The following ANO10 variants were observed in gnomAD, a reference collection of about 807,000 sequenced individuals.
ANO10 encodes anoctamin-10.
ANO10 carries 77 observed loss-of-function variants against 74.7 expected under a neutral mutation model. The ratio of observed to expected loss-of-function variants is 1.03; its 90% CI spans 0.86 to 1.25. ANO10 has a LOEUF of 1.25. Ranked by LOEUF, ANO10 falls within the 50% of genes most tolerant of loss-of-function variation. The pLI, the probability that ANO10 is intolerant of heterozygous loss-of-function variation, is 0.00. For missense variants in ANO10, 721 were observed against 778.1 expected, an observed-to-expected ratio of 0.93 and a Z score of 0.87; for synonymous variants, 279 against 284.9, an observed-to-expected ratio of 0.98 and a Z score of 0.21.
At chr3:43,629,404 G>T (rs1343745288) in intron 1 of ANO10, among the ~76,000 whole-genome samples, 1 of 152,154 alleles carries the variant, frequency 6.6e-6, no homozygotes, top group Non-Finnish European at 1.5e-5. Flanking sequence ...CTTAGTAATT[G>T]TGAGTTTTGT....
chr3:43,384,043 C>T (rs2125702259), intron 12 of ANO10, among the ~76,000 whole-genome samples: 1 of 152,258 alleles, frequency 6.6e-6, no homozygotes, highest in South Asian at 2.1e-4. Flanking sequence ...CAAAAAGTTC[C>T]TAGAACTGGT....
At chr3:43,415,205 G>A (rs1046243765) in intron 12 of ANO10, among the ~76,000 whole-genome samples, 3 of 151,946 alleles carry the variant, frequency 2.0e-5, no homozygotes, top group African/African-American at 7.3e-5. Context: ...TTGAACTCCT[G>A]ACCTCAAGTG....
intron 12 of ANO10, among the ~76,000 whole-genome samples, chr3:43,368,868 TA>T (rs2091504368): frequency 6.6e-6 from 1 of 152,134 alleles, no homozygotes. Flanking sequence ...ACTAAAACAA[TA>T]ATGAAGACAG....
chr3:43,472,604 C>G (rs2075905772), intron 11 of ANO10: 2 of 151,162 alleles, frequency 1.3e-5, no homozygotes, highest in East Asian at 1.9e-4. Flanking sequence ...AAAAAAAAGA[C>G]AGAGAGAGAG....
rs532264836 is a variant in ANO10 at position 43,516,239 on chromosome 3, C to T, written c.1797+33481G>A. On this transcript the variant is annotated intron_variant, in intron 11 of 12. Transcript: ENST00000292246. ...TGGGAGCATATTAATTAATCATTAA[C>T]GCTAAACAGAGAGACCAGGGAAAAC... 8.5e-5 allele frequency among the ~76,000 whole-genome samples: 13 copies of T among 152,174 alleles called. No homozygotes were observed. In the East Asian group the frequency reaches 1.4e-3, roughly 16 times the overall value.
chr3:43,525,371 G>A (rs774234833), intron 11 of ANO10, among the ~76,000 whole-genome samples: 4 of 152,020 alleles, frequency 2.6e-5, no homozygotes, highest in Non-Finnish European at 2.9e-5. Flanking sequence ...TTCAGACTCC[G>A]GACAAGGTCA....
intron 11 of ANO10, among the ~76,000 whole-genome samples, chr3:43,452,942 A>G (rs923314865): frequency 6.6e-6 from 1 of 152,322 alleles, no homozygotes; most frequent in South Asian, 2.1e-4. Flanking sequence ...AATGATGTAA[A>G]TATCTTTCCA....
intron 8 of ANO10, among the ~76,000 whole-genome samples, chr3:43,563,217 A>G (rs2080134310): frequency 6.6e-6 from 1 of 152,126 alleles, no homozygotes; most frequent in African/African-American, 2.4e-5. Context: ...ATGAAAAAAT[A>G]CTCAACACCA....
chr3:43,478,081 G>A (rs998238087), intron 11 of ANO10, among the ~76,000 whole-genome samples: 1 of 152,120 alleles, frequency 6.6e-6, no homozygotes. Flanking sequence ...AGCCCTATGA[G>A]GCAGAAACTA....
intron 12 of ANO10, among the ~76,000 whole-genome samples, chr3:43,392,150 T>A (rs2092288527): frequency 6.6e-6 from 1 of 150,966 alleles, no homozygotes; most frequent in Admixed American, 6.6e-5. Context: ...CTCAACTGAA[T>A]CTTTCTCACT....
intron 1 of ANO10, among the ~76,000 whole-genome samples, chr3:43,649,686 A>G (rs902790266): frequency 4.6e-5 from 7 of 152,216 alleles, no homozygotes; most frequent in Admixed American, 1.3e-4. Flanking sequence ...CTCAAATCAT[A>G]TAGCTAATAG....
intron 7 of ANO10, among the ~76,000 whole-genome samples, chr3:43,567,545 A>G (rs1008348724): frequency 6.6e-6 from 1 of 152,152 alleles, no homozygotes; most frequent in African/African-American, 2.4e-5. Context: ...TCTTAAAGAA[A>G]AGAATTTTCA....
chr3:43,436,339 T>C (rs77402329), intron 11 of ANO10, among the ~76,000 whole-genome samples: 6,757 of 152,078 alleles, frequency 0.044, 399 homozygotes, highest in African/African-American at 0.14. Flanking sequence ...ACACTCAAAA[T>C]GAACAGAGGG....
chr3:43,548,562 A>T (rs2079305049), intron 11 of ANO10, among the ~76,000 whole-genome samples: 1 of 152,226 alleles, frequency 6.6e-6, no homozygotes, highest in Non-Finnish European at 1.5e-5. Flanking sequence ...AGAGCAAAGC[A>T]GAATATATTT....
At chr3:43,566,583 C>A (rs2080362277) in intron 7 of ANO10, among the ~76,000 whole-genome samples, 2 of 152,230 alleles carry the variant, frequency 1.3e-5, no homozygotes, top group South Asian at 4.1e-4. Context: ...TACACTGACA[C>A]CTCACACGGC....
intron 12 of ANO10, among the ~76,000 whole-genome samples, chr3:43,378,713 TG>T (rs891913034): frequency 1.3e-5 from 2 of 152,120 alleles, no homozygotes; most frequent in African/African-American, 4.8e-5. Flanking sequence ...GGGCTACCCC[TG>T]GGTGATGACG....
chr3:43,533,588 C>T (rs535036596), intron 11 of ANO10, among the ~76,000 whole-genome samples: 4 of 152,114 alleles, frequency 2.6e-5, no homozygotes, highest in South Asian at 2.1e-4. Flanking sequence ...TAGCTTTGAC[C>T]CCAGTCCAGT....
rs2083677110 is a variant in ANO10 at position 43,642,182 on chromosome 3, G to T, written c.-11-36319C>A. 2.6e-5 allele frequency among the ~76,000 whole-genome samples: 4 copies of T among 152,194 alleles called. No individual in the cohort carries two copies. The South Asian group carries it at 8.3e-4, about 31-fold the overall frequency. ...ATACACTTTTAAAAGGTTATTTAAT[G>T]TGAATTTCTCAATGCAAATTTAACC... On this transcript the variant is annotated intron_variant, in intron 1 of 3. Transcript: ENST00000413397.
intron 4 of ANO10, among the ~76,000 whole-genome samples, chr3:43,594,173 TA>T (rs2081957850): frequency 1.3e-5 from 2 of 152,250 alleles, no homozygotes; most frequent in South Asian, 4.1e-4. Context: ...GAGACTTTAA[TA>T]CCCCACTGTC....
Sources: gnomAD v4.1 joint callset for allele counts (sites outside exome capture counted in the v4.1 genomes callset) on GRCh38, gnomAD v4.1.1 for gene constraint, MANE v1.5 for transcripts, NCBI Gene and HGNC (gene_info 2026-07-23, HGNC 2026-07-21) for gene names.